COMMD10: variants seen among roughly 807,000 people sequenced by gnomAD.
The protein encoded by COMMD10 is COMM domain-containing protein 10.
In COMMD10, 33 loss-of-function variants were observed where a neutral mutation model predicts 28.9. The observed-to-expected ratio is 1.14, with a 90% confidence interval of 0.87 to 1.53. The LOEUF is 1.53. COMMD10 is among the 40% of genes most tolerant of loss of function. COMMD10 has a pLI of 0.00. For missense variants in COMMD10, 310 were observed against 233.4 expected, an observed-to-expected ratio of 1.33 and a Z score of -2.14; for synonymous variants, 110 against 81.7, an observed-to-expected ratio of 1.35 and a Z score of -1.87.
chr5:116,233,191 C>T (rs563410479), intron 5 of COMMD10, among the ~76,000 whole-genome samples: 1 of 152,084 alleles, frequency 6.6e-6, no homozygotes, highest in African/African-American at 2.4e-5. Flanking sequence ...GAGTACAGTA[C>T]AATAAGATAA....
intron 5 of COMMD10, among the ~76,000 whole-genome samples, chr5:116,245,309 C>G (rs1284396258): frequency 6.6e-6 from 1 of 152,016 alleles, no homozygotes; most frequent in African/African-American, 2.4e-5. Flanking sequence ...GAAACTGGAT[C>G]TCTAAACAGA....
chr5:116,114,285 G>A (rs1440869643), intron 4 of COMMD10, among the ~76,000 whole-genome samples: 1 of 152,058 alleles, frequency 6.6e-6, no homozygotes, highest in Non-Finnish European at 1.5e-5. Flanking sequence ...ACCAGTTGTG[G>A]TAGCAGTGTA....
intron 2 of COMMD10, among the ~76,000 whole-genome samples, chr5:116,090,031 T>C (rs1750246038): frequency 1.3e-5 from 2 of 152,186 alleles, no homozygotes; most frequent in Non-Finnish European, 1.5e-5. Flanking sequence ...GGTTTAGGGA[T>C]TTTGTTGCCC....
intron 4 of COMMD10, among the ~76,000 whole-genome samples, chr5:116,123,095 T>C (rs2112754686): frequency 6.6e-6 from 1 of 152,342 alleles, no homozygotes; most frequent in South Asian, 2.1e-4. Context: ...GCCCATTTGA[T>C]ATGATATTGG....
Position 116,125,720 on chromosome 5 carries a change from C to G in COMMD10, c.400-8348C>G, listed in dbSNP as rs188550105. Among the ~76,000 whole-genome samples, 20 of 152,162 alleles carry G rather than the reference C, an allele frequency of 1.3e-4. 1 individual carries two copies. In the East Asian group the frequency reaches 3.5e-3, roughly 26 times the overall value. ...TATAGATTTGGTCTTTTCACATAGT[C>G]CCATATTTTTTGAAGGCTTTGTTCG... On this transcript the variant is annotated intron_variant, in intron 4 of 6. Transcript: ENST00000274458.
At chr5:116,120,179 G>T (rs1751380143) in intron 4 of COMMD10, among the ~76,000 whole-genome samples, 2 of 152,242 alleles carry the variant, frequency 1.3e-5, no homozygotes, top group South Asian at 4.1e-4. Context: ...GCCATAAAAA[G>T]GAATGAAGTA....
chr5:116,216,518 A>G (rs998678110), intron 5 of COMMD10, among the ~76,000 whole-genome samples: 1 of 151,962 alleles, frequency 6.6e-6, no homozygotes, highest in Non-Finnish European at 1.5e-5. Context: ...TAGCATAGAA[A>G]TTTCTTTTTT....
intron 4 of COMMD10, among the ~76,000 whole-genome samples, chr5:116,117,974 C>T (rs4463206): frequency 0.9 from 136,484 of 152,194 alleles, 61,347 homozygotes; most frequent in African/African-American, 0.94. Context: ...CCATGTTACT[C>T]ATTGTAGAAG....
intron 5 of COMMD10, among the ~76,000 whole-genome samples, chr5:116,209,580 A>G (rs763774887): frequency 2.0e-5 from 3 of 152,158 alleles, no homozygotes; most frequent in Admixed American, 6.5e-5. Flanking sequence ...GTGTGGTACT[A>G]CTGAACTGAA....
At chr5:116,109,036 A>G (rs1043161537) in intron 4 of COMMD10, among the ~76,000 whole-genome samples, 6 of 152,056 alleles carry the variant, frequency 3.9e-5, no homozygotes, top group East Asian at 3.9e-4. Context: ...CCACTGTCCT[A>G]TCAGTCCCAG....
chr5:116,288,828 A>C (rs1401781923), intron 5 of COMMD10, among the ~76,000 whole-genome samples: 2 of 126,612 alleles, frequency 1.6e-5, no homozygotes, highest in African/African-American at 2.8e-5. Context: ...CGTTTTGTTC[A>C]TGTATCATTT....
At chr5:116,247,238 T>C (rs947881308) in intron 5 of COMMD10, among the ~76,000 whole-genome samples, 9 of 151,986 alleles carry the variant, frequency 5.9e-5, no homozygotes, top group Non-Finnish European at 1.2e-4. Flanking sequence ...CATCACTGAT[T>C]ATTAGAGAAA....
intron 5 of COMMD10, among the ~76,000 whole-genome samples, chr5:116,156,306 GA>G (rs1233511235): frequency 2.0e-5 from 3 of 152,118 alleles, no homozygotes; most frequent in Non-Finnish European, 4.4e-5. Context: ...ATGTCAAGCA[GA>G]TTACTTAACT....
intron 5 of COMMD10, among the ~76,000 whole-genome samples, chr5:116,268,099 G>A (rs943026563): frequency 6.6e-6 from 1 of 151,834 alleles, no homozygotes; most frequent in African/African-American, 2.4e-5. Context: ...ATTGACAAAT[G>A]GGATCTAATT....
At chr5:116,095,525 G>A (rs903575357) in intron 4 of COMMD10, among the ~76,000 whole-genome samples, 2 of 152,144 alleles carry the variant, frequency 1.3e-5, no homozygotes, top group African/African-American at 4.8e-5. Flanking sequence ...ATATTCTCTA[G>A]AAGTCCTCTG....
At position 116,140,540 on chromosome 5, in the gene COMMD10, A is replaced by G. The variant is rs187698447; in HGVS notation, c.510+6362A>G. On this transcript the variant is annotated intron_variant, in intron 5 of 6. Transcript: ENST00000274458. ...GGCTATACCAATTTACATTTCCACCATCAGTGTACGGGGTTCCCTTTTCTC... is the reference window on the plus strand; with the variant it reads ...GGCTATACCAATTTACATTTCCACCGTCAGTGTACGGGGTTCCCTTTTCTC... 4.8e-3 allele frequency among the ~76,000 whole-genome samples: 725 copies of G among 151,980 alleles called. 3 individuals are homozygous for G. Among genetic ancestry groups the G allele is most frequent in the African/African-American group, 8.4e-3 (347 of 41,514 alleles).
At chr5:116,182,194 G>A (rs1414832404) in intron 5 of COMMD10, among the ~76,000 whole-genome samples, 2 of 152,048 alleles carry the variant, frequency 1.3e-5, no homozygotes, top group African/African-American at 2.4e-5. Flanking sequence ...ACAATTGAAT[G>A]TATACAGGCT....
chr5:116,136,060 C>T (rs1752017268), intron 5 of COMMD10, among the ~76,000 whole-genome samples: 1 of 152,274 alleles, frequency 6.6e-6, no homozygotes, highest in East Asian at 1.9e-4. Flanking sequence ...ATCAATAAAA[C>T]TTTTTTGTTT....
chr5:116,291,044 T>G (rs1420752573), intron 5 of COMMD10, among the ~76,000 whole-genome samples: 2 of 152,154 alleles, frequency 1.3e-5, no homozygotes, highest in Non-Finnish European at 2.9e-5. Context: ...AAGGTAACAC[T>G]CAGCATGTTG....
Sources: allele counts gnomAD v4.1 joint callset (sites outside exome capture counted in the v4.1 genomes callset), GRCh38; gene constraint gnomAD v4.1.1; transcripts MANE v1.5; gene names NCBI Gene and HGNC (gene_info 2026-07-23, HGNC 2026-07-21).